TMEM126B: variants seen among roughly 807,000 people sequenced by gnomAD.
TMEM126B encodes complex I assembly factor TMEM126B, mitochondrial.
In TMEM126B, 19 loss-of-function variants were observed where a neutral mutation model predicts 16.5. The ratio of observed to expected loss-of-function variants is 1.15; its 90% CI spans 0.80 to 1.69. The LOEUF is 1.69. Among genes scored for constraint, TMEM126B ranks in the 40% most tolerant of loss-of-function variants. The pLI is 0.00. For missense variants in TMEM126B, 293 were observed against 278.7 expected (o/e 1.05, Z -0.37); for synonymous variants, 104 against 93.2 (o/e 1.12, Z -0.67).
upstream of TMEM126B, chr11:85,628,574 C>T: frequency 6.6e-7 from 1 of 1,525,654 alleles, no homozygotes; most frequent in East Asian, 2.4e-5. Context: ...CGTTCTGGGT[C>T]CCCGCCCACC....
intron 1 of TMEM126B, chr11:85,631,196 G>A (rs1489312659): frequency 1.6e-6 from 2 of 1,290,274 alleles, no homozygotes; most frequent in Non-Finnish European, 2.0e-6. Flanking sequence ...AGAAACTGAG[G>A]ATAGAGATGT....
chr11:85,635,883 T>C (rs2082394328), intron 4 of TMEM126B, 105 bp downstream of exon 4: 1 of 1,077,420 alleles, frequency 9.3e-7, no homozygotes, highest in Middle Eastern at 3.1e-4. Context: ...TATGATATAT[T>C]TGAATCAAAA....
In TMEM126B at chr11:85,628,637, T is replaced by C; in HGVS notation, c.30T>C (p.Thr10=). MVVFGYEAG[T]KPRDSGVVPV... is the part of the protein sequence containing the mutation. ...TGGTGTTCGGGTATGAGGCTGGGACTAAGCCAAGGGATTCAGGTGTGGTGC... is the reference window on the plus strand; with the variant it reads ...TGGTGTTCGGGTATGAGGCTGGGACCAAGCCAAGGGATTCAGGTGTGGTGC... The change falls in exon 1 of 5, where the codon ACT becomes ACC. Residue 10 remains threonine (T), a synonymous_variant. Coordinates refer to ENST00000358867, the MANE Select transcript of TMEM126B (RefSeq NM_018480.7). The C allele has an allele frequency of 3.9e-6, 6 of 1,536,144 alleles. No homozygotes were observed. Among genetic ancestry groups the C allele is most frequent in the Non-Finnish European group, 5.2e-6 (6 of 1,146,902 alleles).
intron 1 of TMEM126B, chr11:85,631,094 TTC>T: frequency 7.9e-6 from 10 of 1,261,632 alleles, no homozygotes; most frequent in South Asian, 1.2e-5. Context: ...TTTCTGATTT[TTC>T]TCTCTCACTA....
chr11:85,630,229 A>G (rs2082262752), intron 1 of TMEM126B, among the ~76,000 whole-genome samples: 2 of 152,236 alleles, frequency 1.3e-5, no homozygotes, highest in South Asian at 2.1e-4. Context: ...CTGCATTTCA[A>G]ATAAATACCC....
At chr11:85,628,727 G>T (rs776940250) in intron 1 of TMEM126B, 39 bp downstream of exon 1, 147 of 1,514,424 alleles carry the variant, frequency 9.7e-5, no homozygotes, top group Admixed American at 3.8e-4. Context: ...GGTGATTTCT[G>T]CACCTTCAAA....
At chr11:85,631,891 T>A in intron 2 of TMEM126B, 83 bp downstream of exon 2, 1 of 1,384,620 alleles carries the variant, frequency 7.2e-7, no homozygotes. Context: ...TCCTATTCTT[T>A]CTTACCTTTT....
intron 3 of TMEM126B, 173 bp downstream of exon 3, chr11:85,634,452 T>C: frequency 1.9e-6 from 1 of 536,120 alleles, no homozygotes; most frequent in Non-Finnish European, 3.2e-6. Flanking sequence ...CCTAATCAGG[T>C]AAACTGTATT....
Position 85,634,118 on chromosome 11 carries a change from G to A in TMEM126B, c.236G>A (p.Gly79Glu). ...TQNIYQMATF[G>E]TTAGFSGIFS... ...AATATATATCAAATGGCGACATTTG[G>A]AACAACAGCTGGTTTCTCTGGAATA... The change falls in exon 3 of 5, where the codon GGA becomes GAA. Residue 79 changes from glycine to glutamate, a missense_variant. Transcript: ENST00000358867. 1 of 1,613,224 alleles carries A rather than the reference G, an allele frequency of 6.2e-7. No individual in the cohort carries two copies.
intron 1 of TMEM126B, among the ~76,000 whole-genome samples, chr11:85,630,201 A>G (rs1252141049): frequency 3.3e-5 from 5 of 152,222 alleles, no homozygotes; most frequent in Admixed American, 2.6e-4. Flanking sequence ...CAGGTATCTC[A>G]GGAGGGAATT....
rs1199572088 is a variant in TMEM126B, at chr11:85,635,756, A to G, written c.487A>G (p.Lys163Glu). Reference sequence around the variant, plus strand: ...CTATCCCAGTTCTTTGGCTTTTACTAAAAATGGACGCCTGGCAACCAAGTA... The same window carrying G: ...CTATCCCAGTTCTTTGGCTTTTACTGAAAATGGACGCCTGGCAACCAAGTA... ...VFYPSSLAFT[K>E]NGRLATKYHT... The change falls in exon 4 of 5, where the codon AAA (lysine) becomes GAA (glutamate). Residue 163 changes from lysine (K) to glutamate (E), a missense_variant. Coordinates refer to ENST00000358867, the MANE Select transcript of TMEM126B (RefSeq NM_018480.7). The G allele has an allele frequency of 6.3e-7, 1 of 1,595,736 alleles. No individual in the cohort carries two copies. Among genetic ancestry groups the G allele is most frequent in the Admixed American group, 1.8e-5 (1 of 55,802 alleles).
chr11:85,628,760 T>C, intron 1 of TMEM126B, 72 bp downstream of exon 1: 1 of 1,412,396 alleles, frequency 7.1e-7, no homozygotes, highest in Non-Finnish European at 9.6e-7. Flanking sequence ...TCTTCTAAGA[T>C]GATACCTTTA....
chr11:85,629,846 T>C (rs1025578176), intron 1 of TMEM126B, among the ~76,000 whole-genome samples: 3 of 152,116 alleles, frequency 2.0e-5, no homozygotes, highest in Admixed American at 6.5e-5. Flanking sequence ...CACTGAAAAA[T>C]TGTAATTTGT....
intron 1 of TMEM126B, chr11:85,629,407 C>CT: frequency 2.2e-6 from 1 of 447,366 alleles, no homozygotes; most frequent in South Asian, 1.9e-5. Context: ...GTTGAGTGGC[C>CT]TTAAGGGGGA....
intron 1 of TMEM126B, chr11:85,629,400 G>C (rs1032409622): frequency 2.1e-6 from 1 of 486,640 alleles, no homozygotes; most frequent in Non-Finnish European, 3.5e-6. Context: ...GTGACTAGTT[G>C]AGTGGCCTTA....
intron 2 of TMEM126B, among the ~76,000 whole-genome samples, chr11:85,633,122 G>A (rs2082335198): frequency 6.6e-6 from 1 of 152,304 alleles, no homozygotes; most frequent in South Asian, 2.1e-4. Flanking sequence ...TCCCTACAAA[G>A]GACATGAACT....
At chr11:85,634,383 T>C in intron 3 of TMEM126B, 104 bp downstream of exon 3, 3 of 829,716 alleles carry the variant, frequency 3.6e-6, no homozygotes, top group Non-Finnish European at 3.7e-6. Flanking sequence ...CATTTATATA[T>C]TGCTATACAG....
chr11:85,634,931 G>A (rs1009491548), intron 3 of TMEM126B: 4 of 152,150 alleles, frequency 2.6e-5, no homozygotes, highest in African/African-American at 7.2e-5. Flanking sequence ...TCAAAGTATT[G>A]TGTACACTGA....
At chr11:85,635,899 T>A in intron 4 of TMEM126B, 121 bp downstream of exon 4, 1 of 1,064,854 alleles carries the variant, frequency 9.4e-7, no homozygotes, top group Non-Finnish European at 1.3e-6. Context: ...CAAAATGTGG[T>A]AGTTTGGTAT....
Sources: gnomAD v4.1 joint callset for allele counts (sites outside exome capture counted in the v4.1 genomes callset) on GRCh38, gnomAD v4.1.1 for gene constraint, MANE v1.5 for transcripts, NCBI Gene and HGNC (gene_info 2026-07-23, HGNC 2026-07-21) for gene names.